The following KLHL1 variants were observed in gnomAD, a reference collection of about 807,000 sequenced individuals.
KLHL1 encodes the protein kelch-like protein 1.
In KLHL1, 47 loss-of-function variants were observed where a neutral mutation model predicts 77.7. The ratio of observed to expected loss-of-function variants is 0.60; its 90% CI spans 0.48 to 0.77. The LOEUF (loss-of-function observed/expected upper bound fraction) is 0.77, where lower values mean the gene tolerates loss of function less well. Ranked by LOEUF, KLHL1 falls within the 30% of genes least tolerant of loss-of-function variation. The pLI is 0.00. For synonymous variants in KLHL1, 360 were observed against 325.2 expected (o/e 1.11, Z -1.15); for missense variants, 925 against 910.8 (o/e 1.02, Z -0.20).
chr13:69,785,859 TCAGAGAATACTA>T, intron 7 of KLHL1, among the ~76,000 whole-genome samples: 1 of 152,204 alleles, frequency 6.6e-6, no homozygotes, highest in South Asian at 2.1e-4. Flanking sequence ...CAAACTACCA[TCAGAGAATACTA>T]CAAACACATC....
intron 8 of KLHL1, among the ~76,000 whole-genome samples, chr13:69,721,112 T>C (rs1873043508): frequency 1.2e-5 from 1 of 83,520 alleles, no homozygotes; most frequent in Non-Finnish European, 2.5e-5. Context: ...GGAATTTCCT[T>C]GTGGACAAAG....
rs368197036 is a variant in KLHL1, at chr13:69,971,586, G to A, written c.680+4034C>T. 1.5e-4 allele frequency among the ~76,000 whole-genome samples: 23 copies of A among 151,968 alleles called. No individual in the cohort carries two copies. In the South Asian group the frequency reaches 2.7e-3, roughly 18 times the overall value. On this transcript the variant is annotated intron_variant, in intron 2 of 10. Coordinates refer to ENST00000377844, the MANE Select transcript of KLHL1 (RefSeq NM_020866.3). Reference sequence around the variant, plus strand: ...ATCTCTACTTAAAATAGTATGCCATGTCTTTTCCACTAGGCTTACCTCACA... The same window carrying A: ...ATCTCTACTTAAAATAGTATGCCATATCTTTTCCACTAGGCTTACCTCACA...
At chr13:69,750,081 T>C (rs1392383882) in intron 7 of KLHL1, among the ~76,000 whole-genome samples, 2 of 151,528 alleles carry the variant, frequency 1.3e-5, no homozygotes, top group East Asian at 1.9e-4. Context: ...AATAATAATG[T>C]ATTTAAATTT....
chr13:70,100,072 CAA>C (rs1218197870), intron 1 of KLHL1, among the ~76,000 whole-genome samples: 1 of 151,690 alleles, frequency 6.6e-6, no homozygotes, highest in Non-Finnish European at 1.5e-5. Context: ...CAATTTGTAA[CAA>C]AAAAGCATGC....
chr13:69,946,970 A>C (rs1566433045), intron 3 of KLHL1, among the ~76,000 whole-genome samples: 1 of 151,192 alleles, frequency 6.6e-6, no homozygotes, highest in African/African-American at 2.5e-5. Flanking sequence ...ATCATATGAA[A>C]AACATATTTT....
At chr13:69,865,036 T>A (rs1016958075) in intron 5 of KLHL1, among the ~76,000 whole-genome samples, 4 of 152,156 alleles carry the variant, frequency 2.6e-5, no homozygotes, top group African/African-American at 7.2e-5. Context: ...AACCTTGAAT[T>A]CCTGGGCTCA....
At chr13:69,779,124 C>T (rs544027965) in intron 7 of KLHL1, among the ~76,000 whole-genome samples, 59 of 151,986 alleles carry the variant, frequency 3.9e-4, no homozygotes, top group South Asian at 1.0e-3. Flanking sequence ...TCTTCTTTTC[C>T]GCAACACCTG....
chr13:70,069,225 T>G (rs931405990), intron 1 of KLHL1, among the ~76,000 whole-genome samples: 5 of 152,078 alleles, frequency 3.3e-5, no homozygotes, highest in African/African-American at 4.8e-5. Flanking sequence ...AAAAGGAGAT[T>G]ACAGCTAACA....
intron 5 of KLHL1, among the ~76,000 whole-genome samples, chr13:69,863,598 G>C (rs1799017416): frequency 6.6e-6 from 1 of 151,794 alleles, no homozygotes; most frequent in African/African-American, 2.4e-5. Context: ...TGCTCTCCAT[G>C]ATTCTTAAGA....
At chr13:70,062,696 A>T (rs150224917) in intron 1 of KLHL1, among the ~76,000 whole-genome samples, 1 of 152,082 alleles carries the variant, frequency 6.6e-6, no homozygotes, top group Non-Finnish European at 1.5e-5. Flanking sequence ...ATATAATCAG[A>T]CTTTTATCTG....
intron 3 of KLHL1, among the ~76,000 whole-genome samples, chr13:69,947,001 C>G (rs1267551928): frequency 6.7e-6 from 1 of 150,192 alleles, no homozygotes; most frequent in Non-Finnish European, 1.5e-5. Context: ...AAAACTTGAG[C>G]CTGCCATACA....
intron 4 of KLHL1, among the ~76,000 whole-genome samples, chr13:69,909,753 TTAAAGA>T (rs1187614605): frequency 6.6e-6 from 1 of 152,106 alleles, no homozygotes; most frequent in Non-Finnish European, 1.5e-5. Context: ...TCTGAATTTA[TTAAAGA>T]TAAATAGAAA....
Position 69,940,222 on chromosome 13 carries a change from T to C in KLHL1, c.832A>G (p.Lys278Glu), listed in dbSNP as rs752916996. Residue 278 changes from lysine to glutamate, a missense_variant, in exon 4 of 11, where the codon AAA becomes GAA. Transcript: ENST00000377844. Reference sequence around the variant, plus strand: ...AGAAGGTTCTCAATGGTGTCCTCTTTTAATTCCAAGCAGCCTAAACATAAG... The same window carrying C: ...AGAAGGTTCTCAATGGTGTCCTCTTCTAATTCCAAGCAGCCTAAACATAAG... ...QFAYTGCLELKEDTIENLLAA... is the reference protein window; with the variant it reads ...QFAYTGCLELEEDTIENLLAA... 9 of 1,605,108 alleles carry C rather than the reference T, an allele frequency of 5.6e-6. No homozygotes were observed. Among genetic ancestry groups the C allele is most frequent in the Non-Finnish European group, 7.6e-6 (9 of 1,177,220 alleles).
intron 1 of KLHL1, among the ~76,000 whole-genome samples, chr13:70,068,937 C>T (rs1468683732): frequency 2.6e-5 from 4 of 152,010 alleles, no homozygotes; most frequent in Non-Finnish European, 5.9e-5. Flanking sequence ...AGGAAAAAGC[C>T]TTCTTGCTTC....
intron 2 of KLHL1, among the ~76,000 whole-genome samples, chr13:69,968,104 A>G (rs1009877503): frequency 6.6e-6 from 1 of 151,806 alleles, no homozygotes; most frequent in African/African-American, 2.4e-5. Context: ...AAGAATGGCC[A>G]CAGATACTCC....
intron 2 of KLHL1, among the ~76,000 whole-genome samples, chr13:69,971,168 C>A (rs548678253): frequency 6.6e-6 from 1 of 152,098 alleles, no homozygotes; most frequent in African/African-American, 2.4e-5. Context: ...TTTTTCCATG[C>A]CTCCGTTTTC....
chr13:69,703,684 T>A (rs2137866597), intron 10 of KLHL1, among the ~76,000 whole-genome samples: 1 of 151,716 alleles, frequency 6.6e-6, no homozygotes, highest in South Asian at 2.1e-4. Context: ...ACTTTTTATC[T>A]TTTATACCAT....
chr13:69,900,253 T>C (rs1172581431), intron 4 of KLHL1, among the ~76,000 whole-genome samples: 2 of 152,122 alleles, frequency 1.3e-5, no homozygotes, highest in South Asian at 2.1e-4. Flanking sequence ...TTATGACAAA[T>C]ACAGTACAAC....
At chr13:70,096,234 G>A (rs933695983) in intron 1 of KLHL1, among the ~76,000 whole-genome samples, 3 of 151,944 alleles carry the variant, frequency 2.0e-5, no homozygotes, top group Non-Finnish European at 4.4e-5. Flanking sequence ...GGATTATATG[G>A]TAGTTCTATT....
Sources: allele counts gnomAD v4.1 joint callset (sites outside exome capture counted in the v4.1 genomes callset), GRCh38; gene constraint gnomAD v4.1.1; transcripts MANE v1.5; gene names NCBI Gene and HGNC (gene_info 2026-07-23, HGNC 2026-07-21).